The following RET variants were observed in gnomAD, a reference collection of about 807,000 sequenced individuals.
The protein encoded by RET is proto-oncogene tyrosine-protein kinase receptor Ret.
Under a neutral mutation model 118.3 loss-of-function variants are expected in RET, and 19 were observed. The observed-to-expected ratio is 0.16, with a 90% CI of 0.11 to 0.24. The LOEUF is 0.24. Among genes scored for constraint, RET ranks in the 10% least tolerant of loss-of-function variants. The pLI, the probability that RET is intolerant of heterozygous loss-of-function variation, is 1.00. For missense variants in RET, 1,219 were observed against 1,502.1 expected, an observed-to-expected ratio of 0.81 and a Z score of 3.12; for synonymous variants, 597 against 644.1, an observed-to-expected ratio of 0.93 and a Z score of 1.11.
chr10:43,090,963 A>G (rs1181580990), intron 1 of RET, among the ~76,000 whole-genome samples: 1 of 151,622 alleles, frequency 6.6e-6, no homozygotes, highest in Non-Finnish European at 1.5e-5. Flanking sequence ...ACTGCAGCAG[A>G]TACTGGCCGT....
In RET at chr10:43,112,376, C is replaced by T. The variant is rs1257046586; in HGVS notation, c.1648+152C>T. 8.3e-6 allele frequency: 10 copies of T among 1,202,456 alleles called. No homozygotes were observed. In the Admixed American group the frequency reaches 1.0e-4, roughly 12 times the overall value. The allele number at this position is 1,202,456 out of a possible 1,614,324, so 74.5% of individuals were successfully genotyped here. A position where few individuals can be genotyped will look rare whatever the true frequency, so the allele number is the denominator to read the frequency against. On this transcript the variant is annotated intron_variant, in intron 8 of 19. Coordinates refer to ENST00000355710, the MANE Select transcript of RET (RefSeq NM_020975.6). ...CATGTGGCTCTCGATGCCAGCATAG[C>T]GGGCAGCAGTGCAGGGCTTGGGAGA...
intron 1 of RET, among the ~76,000 whole-genome samples, chr10:43,086,682 C>T (rs904963376): frequency 1.4e-4 from 22 of 152,260 alleles, no homozygotes; most frequent in African/African-American, 5.3e-4. Flanking sequence ...TTAATTATAA[C>T]CTAATTGGCA....
chr10:43,095,949 C>T (rs1205297867), intron 1 of RET, among the ~76,000 whole-genome samples: 1 of 152,174 alleles, frequency 6.6e-6, no homozygotes, highest in Non-Finnish European at 1.5e-5. Flanking sequence ...ATGTGGGAAT[C>T]CTCTTAGTTT....
intron 1 of RET, among the ~76,000 whole-genome samples, chr10:43,089,304 C>A (rs760425830): frequency 2.6e-5 from 4 of 152,208 alleles, no homozygotes; most frequent in Non-Finnish European, 5.9e-5. Context: ...CTAACACATT[C>A]ATCTCTCCAA....
At position 43,105,046 on chromosome 10, in the gene RET, G is replaced by A. The variant is rs779382077; in HGVS notation, c.720G>A (p.Val240=). 2 of 1,607,708 alleles carry A rather than the reference G, an allele frequency of 1.2e-6. No individual in the cohort carries two copies. Among genetic ancestry groups the A allele is most frequent in the Non-Finnish European group, 1.7e-6 (2 of 1,179,342 alleles). The change falls in exon 4 of 20, where the codon GTG becomes GTA. Residue 240 remains valine (V), a synonymous_variant. Coordinates refer to ENST00000355710, the MANE Select transcript of RET (RefSeq NM_020975.6). The part of the protein sequence containing the change: ...DREQREKYEL[V]AVCTVHAGAR... The stretch of plus-strand genomic sequence containing the variant: ...AGCAGCGGGAGAAGTACGAGCTGGT[G>A]GCCGTGTGCACCGTGCACGCCGGCG...
chr10:43,111,609 C>T (rs2132782374), intron 7 of RET, 144 bp downstream of exon 7: 1 of 925,882 alleles, frequency 1.1e-6, no homozygotes. Context: ...CTGAGTGACC[C>T]AGCAGTAAAT....
intron 19 of RET, among the ~76,000 whole-genome samples, chr10:43,127,875 T>C (rs543857185): frequency 1.6e-4 from 24 of 152,182 alleles, no homozygotes; most frequent in Non-Finnish European, 3.2e-4. Context: ...GAGTCTCAAG[T>C]TCATAAAAGT....
At chr10:43,113,746 C>A in intron 10 of RET, 71 bp downstream of exon 10, 1 of 1,593,714 alleles carries the variant, frequency 6.3e-7, no homozygotes. Flanking sequence ...CATCTGAGGT[C>A]CCAACAAGGG....
Position 43,123,792 on chromosome 10 carries a change from A to T in RET, c.2923A>T (p.Asn975Tyr), listed in dbSNP as rs1194221807. The T allele has an allele frequency of 6.2e-7, 1 of 1,614,106 alleles. No individual in the cohort carries two copies. The highest frequency in any genetic ancestry group is 1.3e-5 in the African/African-American group (1 of 75,040). ...CGGCCACCGGATGGAGAGGCCAGAC[A>T]ACTGCAGCGAGGAGATGTGAGCGGG... ...KTGHRMERPD[N>Y]CSEEMYRLML... Residue 975 changes from asparagine to tyrosine, a missense_variant, in exon 17 of 20, where the codon AAC (asparagine) becomes TAC (tyrosine). By Grantham distance (143) the Asn-to-Tyr change is moderately radical. Around this residue, in one of 5 missense-constraint regions of RET, gnomAD observed 73 missense variants for 156.5 expected, o/e 0.47. Coordinates refer to ENST00000355710, the MANE Select transcript of RET (RefSeq NM_020975.6).
At chr10:43,102,318 C>G in intron 2 of RET, 24 bp from the exon 3 acceptor site, 1 of 1,612,812 alleles carries the variant, frequency 6.2e-7, no homozygotes, top group African/African-American at 1.3e-5. Flanking sequence ...CCGATGCCCC[C>G]ACAGACCTGA....
chr10:43,087,046 TACCATG>T (rs1837305047), intron 1 of RET, among the ~76,000 whole-genome samples: 1 of 152,264 alleles, frequency 6.6e-6, no homozygotes, highest in South Asian at 2.1e-4. Flanking sequence ...GTTGCAGTTC[TACCATG>T]GGTGTGCAGC....
At chr10:43,109,274 A>G (rs1437144484) in intron 6 of RET, 44 bp downstream of exon 6, 19 of 1,589,228 alleles carry the variant, frequency 1.2e-5, no homozygotes, top group Non-Finnish European at 1.5e-5. Context: ...TTGAAAGGCC[A>G]AGGGACATGG....
Position 43,082,862 on chromosome 10 carries a change from G to A in RET, c.73+5531G>A, listed in dbSNP as rs116223180. Among the ~76,000 whole-genome samples, 910 of 152,368 alleles carry A rather than the reference G, an allele frequency of 6.0e-3. 12 individuals carry two copies. Among genetic ancestry groups the A allele is most frequent in the African/African-American group, 0.021 (867 of 41,584 alleles). Reference sequence around the variant, plus strand: ...CCGGGACGAGGGTGGGTGAGCTGGAGGTGCAGCATGAGCTGGTGCAGTTCT... The same window carrying A: ...CCGGGACGAGGGTGGGTGAGCTGGAAGTGCAGCATGAGCTGGTGCAGTTCT... On this transcript the variant is annotated intron_variant, in intron 1 of 19. Transcript: ENST00000355710.
At chr10:43,121,892 T>A in intron 15 of RET, 54 bp from the exon 16 acceptor site, 1 of 1,402,852 alleles carries the variant, frequency 7.1e-7, no homozygotes, top group African/African-American at 1.4e-5. Flanking sequence ...CCTTTACCCC[T>A]CCTTCCTAGA....
Position 43,130,258 on chromosome 10 carries a change from T to G in RET, c.*1989T>G. Reference sequence around the variant, plus strand: ...AGTTATTAAAATTTGTAAAATCTATTTATGAAAGGTCATTAAACCAGATCA... The same window carrying G: ...AGTTATTAAAATTTGTAAAATCTATGTATGAAAGGTCATTAAACCAGATCA... On this transcript the variant is annotated 3_prime_UTR_variant, in exon 20 of 20. Transcript: ENST00000355710. 1 of 378,432 alleles carries G rather than the reference T, an allele frequency of 2.6e-6. No homozygotes were observed. Among genetic ancestry groups the G allele is most frequent in the East Asian group, 3.7e-5 (1 of 26,716 alleles). 23.4% of individuals were successfully genotyped at this position (378,432 alleles called of 1,614,324 possible).
intron 3 of RET, 117 bp from the exon 4 acceptor site, chr10:43,104,835 G>T: frequency 1.4e-6 from 2 of 1,460,766 alleles, no homozygotes; most frequent in Admixed American, 2.1e-5. Flanking sequence ...AGGAGGGGAG[G>T]CCTGGGGCCG....
Position 43,106,710 on chromosome 10 carries a change from C to T in RET, c.1063+139C>T. The T allele has an allele frequency of 1.2e-6, 1 of 865,946 alleles. No individual in the cohort carries two copies. The highest frequency in any genetic ancestry group is 1.8e-6 in the Non-Finnish European group (1 of 553,870). The allele number at this position is 865,946 out of a possible 1,614,324, so 53.6% of individuals were successfully genotyped here. A position where few individuals can be genotyped will look rare whatever the true frequency, so the allele number is the denominator to read the frequency against. The stretch of plus-strand genomic sequence containing the variant: ...CAAGCCACTTCCCCTCCACCCTCTG[C>T]CCAGCACTTCCTGTGTCTCTGCCAG... On this transcript the variant is annotated intron_variant, in intron 5 of 19. Transcript: ENST00000355710. This position sits in a 1 kb window ranked among gnomAD's most constrained non-coding sequence, Gnocchi z 5.1.
chr10:43,105,050 G>A lies in RET; in HGVS notation c.724G>A (p.Val242Met), dbSNP rs1264337497. 6.8e-6 allele frequency: 11 copies of A among 1,608,058 alleles called. No homozygotes were observed. The highest frequency in any genetic ancestry group is 4.0e-5 in the African/African-American group (3 of 74,904). The change falls in exon 4 of 20, where the codon GTG becomes ATG. Residue 242 changes from valine to methionine, a missense_variant. Val to Met is a conservative substitution (Grantham distance 21, BLOSUM62 1). This residue lies in a region of RET where 850 missense variants were observed against 969.6 expected (regional missense o/e 0.88). Transcript: ENST00000355710. ...GCGGGAGAAGTACGAGCTGGTGGCC[G>A]TGTGCACCGTGCACGCCGGCGCGCG... is the stretch of plus-strand genomic sequence containing the variant. ...EQREKYELVAVCTVHAGAREE... is the reference protein window; with the variant it reads ...EQREKYELVAMCTVHAGAREE...
At chr10:43,120,031 C>T in intron 14 of RET, 50 bp from the exon 15 acceptor site, 1 of 1,608,586 alleles carries the variant, frequency 6.2e-7, no homozygotes, top group South Asian at 1.1e-5. Flanking sequence ...GAGCCAGTGA[C>T]CGCTGCTGCC....
Sources: allele counts gnomAD v4.1 joint callset (sites outside exome capture counted in the v4.1 genomes callset), GRCh38; gene constraint gnomAD v4.1.1; regional missense constraint gnomAD v4.1.1; non-coding constraint Gnocchi (gnomAD v3.1); transcripts MANE v1.5; gene names NCBI Gene and HGNC (gene_info 2026-07-23, HGNC 2026-07-21).